Variants in SEC24D observed in about 807,000 individuals in gnomAD.
The protein encoded by SEC24D is SEC24 homolog D, COPII component, also known as protein transport protein Sec24D.
SEC24D carries 69 observed loss-of-function variants against 116.9 expected under a neutral mutation model. That is an observed-to-expected ratio of 0.59 (90% CI 0.49 to 0.72). The LOEUF is 0.72. SEC24D is among the 30% of genes least tolerant of loss of function. The pLI is 0.00. For missense variants in SEC24D, 1,131 were observed against 1,264.1 expected (o/e 0.89, Z 1.60); for synonymous variants, 405 against 442.8 (o/e 0.91, Z 1.07).
rs561146532 is a variant in SEC24D, at chr4:118,763,092, A to G, written c.1296+1710T>C. ...ACATTAAATGTTTGCATGTTGCCCA[A>G]TGATTCTCCTTCAGTTAACAGCAGT... On this transcript the variant is annotated intron_variant, in intron 10 of 22. Coordinates refer to ENST00000280551, the MANE Select transcript of SEC24D (RefSeq NM_014822.4). Among the ~76,000 whole-genome samples, 8 of 152,324 alleles carry G rather than the reference A, an allele frequency of 5.3e-5. No individual in the cohort carries two copies. In the South Asian group the frequency reaches 1.2e-3, roughly 24 times the overall value.
At chr4:118,772,737 T>C (rs1032013244) in intron 8 of SEC24D, among the ~76,000 whole-genome samples, 2 of 152,066 alleles carry the variant, frequency 1.3e-5, no homozygotes, top group African/African-American at 4.8e-5. Flanking sequence ...AAAGCAACAG[T>C]GATGTCTGGT....
intron 1 of SEC24D, among the ~76,000 whole-genome samples, chr4:118,835,711 G>A (rs2110549387): frequency 6.6e-6 from 1 of 152,326 alleles, no homozygotes; most frequent in South Asian, 2.1e-4. Context: ...CAAAAGGTGG[G>A]GGCGGGTAAA....
intron 8 of SEC24D, among the ~76,000 whole-genome samples, chr4:118,772,036 A>T (rs1727927712): frequency 6.6e-6 from 1 of 152,218 alleles, no homozygotes. Flanking sequence ...TATTTCCAAA[A>T]CAAACACAGA....
At chr4:118,768,426 G>GA in intron 8 of SEC24D, 115 bp from the exon 9 acceptor site, 4 of 739,058 alleles carry the variant, frequency 5.4e-6, no homozygotes, top group Non-Finnish European at 8.2e-6. Flanking sequence ...ACAGAGTCTT[G>GA]CTCTGTCACT....
chr4:118,726,406 A>C lies in SEC24D; in HGVS notation c.2958+2155T>G, dbSNP rs564738177. ...TAAATGCATAAAAGGATTGAGAATC[A>C]ATTGTCTTTAGCAATTTGGCAGTTT... On this transcript the variant is annotated intron_variant, in intron 22 of 22. Transcript: ENST00000280551. Among the ~76,000 whole-genome samples, 1,004 of 152,348 alleles carry C rather than the reference A, an allele frequency of 6.6e-3. 5 individuals carry two copies. Among genetic ancestry groups the C allele is most frequent in the Non-Finnish European group, 0.011 (767 of 68,038 alleles).
intron 14 of SEC24D, 78 bp downstream of exon 14, chr4:118,744,866 T>C (rs1726426542): frequency 2.6e-6 from 2 of 778,958 alleles, no homozygotes; most frequent in East Asian, 2.5e-5. Flanking sequence ...CTCCCCTTTT[T>C]TCTTACATGA....
intron 13 of SEC24D, among the ~76,000 whole-genome samples, chr4:118,749,791 A>G (rs1013550720): frequency 9.8e-5 from 15 of 152,306 alleles, no homozygotes; most frequent in Admixed American, 5.9e-4. Flanking sequence ...TCTGCATGAA[A>G]CTGGCATTGG....
intron 8 of SEC24D, among the ~76,000 whole-genome samples, chr4:118,772,450 T>C (rs944992125): frequency 6.6e-6 from 1 of 152,164 alleles, no homozygotes; most frequent in African/African-American, 2.4e-5. Context: ...CAAATAAACA[T>C]GGAATACAAG....
rs1725236548 is a variant in SEC24D at position 118,723,293 on chromosome 4, CTG to C, written c.*220_*221del. On this transcript the variant is annotated 3_prime_UTR_variant, in exon 23 of 23. Coordinates refer to ENST00000280551, the MANE Select transcript of SEC24D (RefSeq NM_014822.4). The stretch of plus-strand genomic sequence containing the variant: ...CCACATCAGTTTTAAAAATTAGAAA[CTG>C]TGCAATCAGAAACAGATTGTTCCCT... 1 of 406,298 alleles carries C rather than the reference CTG, an allele frequency of 2.5e-6. No homozygotes were observed. Among genetic ancestry groups the C allele is most frequent in the Non-Finnish European group, 4.3e-6 (1 of 231,684 alleles). 25.2% of individuals were successfully genotyped at this position (406,298 alleles called of 1,614,324 possible).
intron 13 of SEC24D, among the ~76,000 whole-genome samples, chr4:118,750,421 G>A (rs1210111101): frequency 1.3e-5 from 2 of 152,164 alleles, no homozygotes; most frequent in African/African-American, 4.8e-5. Flanking sequence ...ATATGGGGTT[G>A]AGCTGGAACT....
intron 22 of SEC24D, among the ~76,000 whole-genome samples, chr4:118,726,616 A>G (rs1046447560): frequency 6.6e-6 from 1 of 152,202 alleles, no homozygotes; most frequent in Non-Finnish European, 1.5e-5. Context: ...ACAGCTTGTA[A>G]ACTGGAAAAG....
chr4:118,812,195 T>C (rs890043742), intron 6 of SEC24D, among the ~76,000 whole-genome samples: 4 of 152,174 alleles, frequency 2.6e-5, no homozygotes, highest in South Asian at 2.1e-4. Flanking sequence ...AGACACACAA[T>C]TGACACTATC....
intron 8 of SEC24D, among the ~76,000 whole-genome samples, chr4:118,783,659 A>G (rs1032073372): frequency 1.4e-4 from 21 of 152,240 alleles, no homozygotes; most frequent in Non-Finnish European, 2.6e-4. Context: ...AGATTATGGT[A>G]TATGAGATGA....
chr4:118,740,816 T>G lies in SEC24D; in HGVS notation c.2093-8A>C, dbSNP rs769831508. The G allele has an allele frequency of 7.4e-6, 12 of 1,612,504 alleles. No individual in the cohort carries two copies. The highest frequency in any genetic ancestry group is 1.7e-6 in the Non-Finnish European group (2 of 1,179,438). Reference sequence around the variant, plus strand: ...AATCAGTGGCTCTGAAACCTAAAGATAAGGGAAAAAGGGAAATTTTGCTTG... The same window carrying G: ...AATCAGTGGCTCTGAAACCTAAAGAGAAGGGAAAAAGGGAAATTTTGCTTG... On this transcript the variant is annotated splice_region_variant and splice_polypyrimidine_tract_variant and intron_variant, in intron 16 of 22. Coordinates refer to ENST00000280551, the MANE Select transcript of SEC24D (RefSeq NM_014822.4).
At position 118,738,384 on chromosome 4, in the gene SEC24D, A is replaced by C; in HGVS notation, c.2378-5T>G. ...GGTGGAGAACTGCTTTAAAAGCTAC[A>C]TCACAAAACAATGAAAAGGACATGA... On this transcript the variant is annotated splice_polypyrimidine_tract_variant and splice_region_variant and intron_variant, in intron 18 of 22. Transcript: ENST00000280551. 1 of 1,571,374 alleles carries C rather than the reference A, an allele frequency of 6.4e-7. No homozygotes were observed. Among genetic ancestry groups the C allele is most frequent in the East Asian group, 2.2e-5 (1 of 44,644 alleles).
intron 9 of SEC24D, chr4:118,766,855 T>A (rs1334246519): frequency 6.6e-6 from 1 of 152,220 alleles, no homozygotes; most frequent in Non-Finnish European, 1.5e-5. Context: ...TGTCACAGGG[T>A]TCCTGAAATC....
intron 11 of SEC24D, among the ~76,000 whole-genome samples, chr4:118,754,812 C>G (rs1334504908): frequency 6.6e-6 from 1 of 152,100 alleles, no homozygotes; most frequent in Non-Finnish European, 1.5e-5. Context: ...ACCAGCACAC[C>G]ACTAGTTAAG....
intron 8 of SEC24D, among the ~76,000 whole-genome samples, chr4:118,777,479 T>C (rs1376052039): frequency 1.3e-5 from 2 of 151,786 alleles, no homozygotes; most frequent in East Asian, 3.9e-4. Context: ...TATTCCATGG[T>C]GTAGCCACAC....
rs1182776761 is a variant in SEC24D, at chr4:118,820,960, A to C, written c.249-3548T>G. On this transcript the variant is annotated intron_variant, in intron 3 of 22. Transcript: ENST00000280551. ...TCCTAATCCTCTGCAGAGTTGACTC[A>C]GTTTTCTGTGGCCTGTTCAACTTCA... Among the ~76,000 whole-genome samples, 3 of 152,190 alleles carry C rather than the reference A, an allele frequency of 2.0e-5. No homozygotes were observed. The East Asian group carries it at 5.8e-4, about 29-fold the overall frequency.
Sources: allele counts gnomAD v4.1 joint callset (sites outside exome capture counted in the v4.1 genomes callset), GRCh38; gene constraint gnomAD v4.1.1; transcripts MANE v1.5; gene names NCBI Gene and HGNC (gene_info 2026-07-23, HGNC 2026-07-21).